The following IL1RAPL2 variants were observed in gnomAD, a reference collection of about 807,000 sequenced individuals.
IL1RAPL2 encodes interleukin 1 receptor accessory protein like 2, also known as X-linked interleukin-1 receptor accessory protein-like 2.
IL1RAPL2 carries 3 observed loss-of-function variants against 44.1 expected under a neutral mutation model. That is an observed-to-expected ratio of 0.07 (90% CI 0.03 to 0.18). The LOEUF is 0.18. Among genes scored for constraint, IL1RAPL2 ranks in the 10% least tolerant of loss-of-function variants. The probability of loss-of-function intolerance (pLI) is 1.00; values close to 1 mark genes in which losing one functional copy is unlikely to be tolerated. For synonymous variants in IL1RAPL2, 181 were observed against 178.8 expected (o/e 1.01, Z -0.10); for missense variants, 391 against 496.4 (o/e 0.79, Z 2.02).
At chrX:105,354,410 C>A (rs1185597447) in intron 5 of IL1RAPL2, among the ~76,000 whole-genome samples, 5 of 104,831 alleles carry the variant, frequency 4.8e-5, no homozygotes, top group Non-Finnish European at 9.7e-5. Context: ...GGACAAAAAA[C>A]CAAACACTGC....
intron 2 of IL1RAPL2, among the ~76,000 whole-genome samples, chrX:104,995,905 A>G (rs758736857): frequency 8.9e-6 from 1 of 111,946 alleles, no homozygotes; most frequent in South Asian, 3.7e-4. Flanking sequence ...ATTTTAATTT[A>G]AATAGAGTCA....
chrX:104,627,262 C>T (rs1001273053), intron 1 of IL1RAPL2, among the ~76,000 whole-genome samples: 1 of 96,624 alleles, frequency 1.0e-5, no homozygotes, highest in African/African-American at 3.9e-5. Context: ...TTTGTCCTTG[C>T]GATAGTTTGC....
chrX:104,847,407 A>G (rs1213541303), intron 2 of IL1RAPL2, among the ~76,000 whole-genome samples: 1 of 111,806 alleles, frequency 8.9e-6, no homozygotes, highest in Non-Finnish European at 1.9e-5. Flanking sequence ...AGCTTTCTAC[A>G]TATGGCTAGC....
chrX:104,651,666 G>A (rs1446452405), intron 1 of IL1RAPL2, among the ~76,000 whole-genome samples: 1 of 111,273 alleles, frequency 9.0e-6, no homozygotes, highest in Non-Finnish European at 1.9e-5. Flanking sequence ...GTAACTAAGT[G>A]AATATATATA....
At chrX:104,998,145 A>G (rs2147734969) in intron 2 of IL1RAPL2, among the ~76,000 whole-genome samples, 1 of 111,687 alleles carries the variant, frequency 9.0e-6, no homozygotes, top group East Asian at 2.9e-4. Flanking sequence ...GGTGAGTTAC[A>G]GGTTAAAAAG....
intron 5 of IL1RAPL2, among the ~76,000 whole-genome samples, chrX:105,323,572 A>C (rs2034912248): frequency 9.0e-6 from 1 of 111,558 alleles, no homozygotes; most frequent in African/African-American, 3.3e-5. Flanking sequence ...ATAGCACTAT[A>C]TTGGGTCAAA....
chrX:105,447,144 AAT>A (rs1208285416), intron 5 of IL1RAPL2, among the ~76,000 whole-genome samples: 1 of 49,538 alleles, frequency 2.0e-5, no homozygotes. Flanking sequence ...TATGAATATA[AAT>A]ATATATAAAT....
intron 4 of IL1RAPL2, among the ~76,000 whole-genome samples, chrX:105,249,939 T>C (rs2034255470): frequency 9.0e-6 from 1 of 111,625 alleles, no homozygotes; most frequent in Admixed American, 9.6e-5. Flanking sequence ...TTGCCAATAA[T>C]TGTATGCAAC....
At chrX:105,665,738 TTTTG>T (rs1395376204) in intron 6 of IL1RAPL2, among the ~76,000 whole-genome samples, 66 of 88,171 alleles carry the variant, frequency 7.5e-4, no homozygotes, top group African/African-American at 1.5e-3. Context: ...TTTTTTGTTT[TTTTG>T]TTTTTTTTTT....
rs546312611 is a variant in IL1RAPL2, at chrX:105,485,006, T to C, written c.772+619T>C. ...CTAATCCTTGTAATTTTAAGTACTG[T>C]AAGCTAAAAACTCAGAGGCCTGCTA... On this transcript the variant is annotated intron_variant, in intron 6 of 10. Coordinates refer to ENST00000372582, the MANE Select transcript of IL1RAPL2 (RefSeq NM_017416.2). Among the ~76,000 whole-genome samples, 550 of 111,796 alleles carry C rather than the reference T, an allele frequency of 4.9e-3. 3 individuals carry two copies. The highest frequency in any genetic ancestry group is 0.019 in the South Asian group (51 of 2,675).
At chrX:105,215,642 G>A (rs1396257200) in intron 3 of IL1RAPL2, among the ~76,000 whole-genome samples, 1 of 111,404 alleles carries the variant, frequency 9.0e-6, no homozygotes, top group Non-Finnish European at 1.9e-5. Flanking sequence ...CCAAAACCTG[G>A]CAGAGACACA....
At chrX:104,813,573 G>GTT (rs1018272440) in intron 2 of IL1RAPL2, among the ~76,000 whole-genome samples, 15 of 111,644 alleles carry the variant, frequency 1.3e-4, no homozygotes, top group Non-Finnish European at 2.1e-4. Context: ...TATATGCCGA[G>GTT]TTTTTTGTGC....
chrX:105,738,416 T>A (rs764948022), intron 7 of IL1RAPL2, among the ~76,000 whole-genome samples: 138 of 111,207 alleles, frequency 1.2e-3, no homozygotes, highest in African/African-American at 4.3e-3. Context: ...TAGAGCCCAG[T>A]TTTTTTCTAA....
At chrX:105,530,361 T>TATA (rs2036624428) in intron 6 of IL1RAPL2, among the ~76,000 whole-genome samples, 3 of 112,122 alleles carry the variant, frequency 2.7e-5, no homozygotes, top group Non-Finnish European at 5.6e-5. Context: ...TGGCCATTTG[T>TATA]ATACCTTCTT....
At chrX:105,670,930 A>ATAC (rs961318396) in intron 6 of IL1RAPL2, among the ~76,000 whole-genome samples, 5 of 106,440 alleles carry the variant, frequency 4.7e-5, no homozygotes, top group African/African-American at 1.7e-4. Context: ...TATATACATA[A>ATAC]TATATAATAT....
chrX:104,634,687 C>T (rs779238207), intron 1 of IL1RAPL2, among the ~76,000 whole-genome samples: 26 of 110,451 alleles, frequency 2.4e-4, no homozygotes, highest in Middle Eastern at 9.3e-3. Flanking sequence ...TTTTGTTTTC[C>T]ATTTGCTTGG....
At chrX:104,897,915 G>A (rs1006835844) in intron 2 of IL1RAPL2, among the ~76,000 whole-genome samples, 1 of 111,717 alleles carries the variant, frequency 9.0e-6, no homozygotes, top group African/African-American at 3.3e-5. Flanking sequence ...GAACACACAG[G>A]AGGTGCAATG....
chrX:105,010,393 T>A (rs2031028598), intron 2 of IL1RAPL2, among the ~76,000 whole-genome samples: 2 of 111,550 alleles, frequency 1.8e-5, no homozygotes, highest in Admixed American at 1.9e-4. Flanking sequence ...AGATACAGTT[T>A]TGCTTTTTAT....
intron 2 of IL1RAPL2, among the ~76,000 whole-genome samples, chrX:104,942,558 C>T (rs1038955974): frequency 7.2e-5 from 8 of 111,642 alleles, no homozygotes; most frequent in African/African-American, 2.3e-4. Flanking sequence ...TATCCTGAGA[C>T]TGCTGAAGTT....
Sources: allele counts gnomAD v4.1 joint callset (sites outside exome capture counted in the v4.1 genomes callset), GRCh38; gene constraint gnomAD v4.1.1; transcripts MANE v1.5; gene names NCBI Gene and HGNC (gene_info 2026-07-23, HGNC 2026-07-21).